PLEKHD1: variants seen among roughly 807,000 people sequenced by gnomAD.
The protein encoded by PLEKHD1 is pleckstrin homology domain-containing family D member 1.
PLEKHD1 carries 51 observed loss-of-function variants against 69.2 expected under a neutral mutation model. The ratio of observed to expected loss-of-function variants is 0.74; its 90% CI spans 0.59 to 0.93. The LOEUF is 0.93. Ranked by LOEUF, PLEKHD1 falls within the 40% of genes least tolerant of loss-of-function variation. The probability of loss-of-function intolerance (pLI) is 0.00; values close to 1 mark genes in which losing one functional copy is unlikely to be tolerated. For synonymous variants in PLEKHD1, 236 were observed against 244.7 expected, an observed-to-expected ratio of 0.96 and a Z score of 0.33; for missense variants, 584 against 641.0, an observed-to-expected ratio of 0.91 and a Z score of 0.96.
chr14:69,484,094 A>AGGC (rs1362896198), upstream of PLEKHD1, among the ~76,000 whole-genome samples: 1 of 152,136 alleles, frequency 6.6e-6, no homozygotes, highest in Non-Finnish European at 1.5e-5. Flanking sequence ...GATGCGCGCT[A>AGGC]GGCGGCGGCG....
At chr14:69,502,599 A>G (rs976736198) in intron 5 of PLEKHD1, 1 of 560,742 alleles carries the variant, frequency 1.8e-6, no homozygotes, top group African/African-American at 1.9e-5. Flanking sequence ...TCCAAGGATG[A>G]GGCCCCTCAT....
chr14:69,467,788 G>C, the PLEKHD1 span, among the ~76,000 whole-genome samples: 1 of 152,134 alleles, frequency 6.6e-6, no homozygotes, highest in Non-Finnish European at 1.5e-5. Context: ...GTGGGGATTT[G>C]GGGGAGATGG....
Position 69,528,332 on chromosome 14 carries a change from C to T in PLEKHD1, c.1434C>T (p.Ser478=), listed in dbSNP as rs1883709122. Residue 478 remains serine (S), a synonymous_variant, in exon 13 of 13, where the codon AGC becomes AGT. Transcript: ENST00000322564. The stretch of plus-strand genomic sequence containing the variant: ...TAAAGGAGGTGGCCAAGCGGCTCAG[C>T]AGGGACCAGCGCTTCCGGGAATCCA... ...EELKEVAKRL[S]RDQRFRESIY... 6.4e-7 allele frequency: 1 copy of T among 1,551,740 alleles called. No individual in the cohort carries two copies. Among genetic ancestry groups the T allele is most frequent in the Non-Finnish European group, 8.7e-7 (1 of 1,147,002 alleles).
chr14:69,511,659 C>T (rs372665025), intron 6 of PLEKHD1, among the ~76,000 whole-genome samples: 1 of 152,242 alleles, frequency 6.6e-6, no homozygotes, highest in African/African-American at 2.4e-5. Flanking sequence ...AAGGGATCCT[C>T]GTGCCTTAGT....
In PLEKHD1 at chr14:69,485,078, G is replaced by C; in HGVS notation, c.113G>C (p.Arg38Thr). 6.4e-7 allele frequency: 1 copy of C among 1,551,168 alleles called. No individual in the cohort carries two copies. Among genetic ancestry groups the C allele is most frequent in the Admixed American group, 2.0e-5 (1 of 51,010 alleles). Reference sequence around the variant, plus strand: ...CAGCTCTACGGCGTGCTGTGGAAGAGGCCTTTCGGCAGGCCGTCGGCCAAG... The same window carrying C: ...CAGCTCTACGGCGTGCTGTGGAAGACGCCTTTCGGCAGGCCGTCGGCCAAG... The part of the protein sequence containing the change: ...KVQLYGVLWK[R>T]PFGRPSAKWS... Residue 38 changes from arginine (R) to threonine (T), a missense_variant, in exon 1 of 13, where the codon AGG becomes ACG. Transcript: ENST00000322564.
chr14:69,488,098 C>T (rs905262549), intron 1 of PLEKHD1, among the ~76,000 whole-genome samples: 2 of 152,168 alleles, frequency 1.3e-5, no homozygotes, highest in African/African-American at 2.4e-5. Context: ...GCAGTTTACT[C>T]TTGCAGAGCA....
the PLEKHD1 span, among the ~76,000 whole-genome samples, chr14:69,475,889 G>GGCCCATCGTGGCCTTAGGAAATACAATC: frequency 6.6e-6 from 1 of 152,172 alleles, no homozygotes; most frequent in African/African-American, 2.4e-5. Flanking sequence ...AGGAGCCCAA[G>GGCCCATCGTGGCCTTAGGAAATACAATC]GCCCATCGTG....
At chr14:69,471,055 G>A in the PLEKHD1 span, among the ~76,000 whole-genome samples, 144 of 145,614 alleles carry the variant, frequency 9.9e-4, 1 homozygote, top group Non-Finnish European at 1.8e-3. Context: ...CCTCCCAAAG[G>A]CCTGGGATTA....
rs1353687653 is a variant in PLEKHD1 at position 69,527,914 on chromosome 14, A to G, written c.1333A>G (p.Ser445Gly). The G allele has an allele frequency of 5.2e-6, 8 of 1,551,488 alleles. No individual in the cohort carries two copies. The highest frequency in any genetic ancestry group is 1.4e-5 in the African/African-American group (1 of 73,076). ...KSCRFHRRRS[S>G]TSWNDMKPSQ... ...CTGCCGCTTCCACCGACGCCGGTCCAGCACCTCCTGGAATGACAGTGAGTG... is the reference window on the plus strand; with the variant it reads ...CTGCCGCTTCCACCGACGCCGGTCCGGCACCTCCTGGAATGACAGTGAGTG... The change falls in exon 12 of 13, where the codon AGC (serine) becomes GGC (glycine). Residue 445 changes from serine to glycine, a missense_variant. By Grantham distance (56) the Ser-to-Gly change is moderately conservative (BLOSUM62 0). Transcript: ENST00000322564.
chr14:69,486,961 C>A (rs1309688781), intron 1 of PLEKHD1, among the ~76,000 whole-genome samples: 1 of 152,206 alleles, frequency 6.6e-6, no homozygotes, highest in Non-Finnish European at 1.5e-5. Flanking sequence ...CCCAAAGCCA[C>A]CCGAAACGAT....
chr14:69,507,073 G>A (rs1458340288), intron 6 of PLEKHD1, among the ~76,000 whole-genome samples: 3 of 151,850 alleles, frequency 2.0e-5, no homozygotes, highest in African/African-American at 7.3e-5. Context: ...TGTATTTTTA[G>A]AAGAGACGGG....
At chr14:69,471,419 C>T in the PLEKHD1 span, among the ~76,000 whole-genome samples, 3 of 152,082 alleles carry the variant, frequency 2.0e-5, no homozygotes, top group African/African-American at 7.2e-5. Context: ...CTCATCCCCA[C>T]TTTCAAATGT....
chr14:69,525,653 C>T (rs1286283454), intron 8 of PLEKHD1, among the ~76,000 whole-genome samples: 2 of 152,170 alleles, frequency 1.3e-5, no homozygotes, highest in Non-Finnish European at 1.5e-5. Flanking sequence ...TCTCCTCATT[C>T]ACCCCTGGAG....
At chr14:69,487,907 T>C (rs536596687) in intron 1 of PLEKHD1, among the ~76,000 whole-genome samples, 1 of 152,278 alleles carries the variant, frequency 6.6e-6, no homozygotes, top group African/African-American at 2.4e-5. Flanking sequence ...TTTCCTGAGA[T>C]TGAATGCTTT....
chr14:69,505,391 C>G (rs1408397499), intron 6 of PLEKHD1, among the ~76,000 whole-genome samples: 1 of 152,214 alleles, frequency 6.6e-6, no homozygotes, highest in East Asian at 1.9e-4. Flanking sequence ...CATCTGCACT[C>G]AGGTCAGAGA....
intron 1 of PLEKHD1, among the ~76,000 whole-genome samples, chr14:69,499,229 A>G (rs1287246136): frequency 1.3e-4 from 5 of 38,042 alleles, no homozygotes; most frequent in East Asian, 4.9e-4. Context: ...ATACGTGCAC[A>G]CACACACACA....
At chr14:69,522,767 A>G (rs943830253) in intron 7 of PLEKHD1, among the ~76,000 whole-genome samples, 1 of 152,066 alleles carries the variant, frequency 6.6e-6, no homozygotes, top group African/African-American at 2.4e-5. Flanking sequence ...CTTTTTGGGA[A>G]TGTGTCATTT....
Position 69,527,913 on chromosome 14 carries a change from C to T in PLEKHD1, c.1332C>T (p.Ser444=), listed in dbSNP as rs1237583487. 1.2e-5 allele frequency: 18 copies of T among 1,551,486 alleles called. No individual in the cohort carries two copies. The highest frequency in any genetic ancestry group is 1.5e-5 in the Non-Finnish European group (17 of 1,147,016). Residue 444 remains serine, a synonymous_variant, in exon 12 of 13, where the codon TCC becomes TCT. Transcript: ENST00000322564. ...GCTGCCGCTTCCACCGACGCCGGTC[C>T]AGCACCTCCTGGAATGACAGTGAGT... ...IKSCRFHRRR[S]STSWNDMKPS...
At chr14:69,515,931 G>T (rs947877410) in intron 6 of PLEKHD1, among the ~76,000 whole-genome samples, 1 of 152,182 alleles carries the variant, frequency 6.6e-6, no homozygotes, top group Non-Finnish European at 1.5e-5. Context: ...TTTCAATTTT[G>T]GGAATAGAAC....
Sources: allele counts gnomAD v4.1 joint callset (sites outside exome capture counted in the v4.1 genomes callset), GRCh38; gene constraint gnomAD v4.1.1; transcripts MANE v1.5; gene names NCBI Gene and HGNC (gene_info 2026-07-23, HGNC 2026-07-21).